Variants in MGST1 observed in about 807,000 individuals in gnomAD.
MGST1 encodes microsomal glutathione S-transferase 1, also known as glutathione S-transferase 12.
MGST1 carries 5 observed loss-of-function variants against 8.9 expected under a neutral mutation model. The observed-to-expected ratio is 0.56, with a 90% CI of 0.29 to 1.19. The LOEUF (loss-of-function observed/expected upper bound fraction) is 1.19, where lower values mean the gene tolerates loss of function less well. MGST1 is among the 50% of genes most tolerant of loss of function. MGST1 has a pLI of 0.08. For synonymous variants in MGST1, 54 were observed against 67.8 expected (o/e 0.80, Z 1.00); for missense variants, 182 against 187.4 (o/e 0.97, Z 0.17).
intron 1 of MGST1, among the ~76,000 whole-genome samples, chr12:16,407,669 C>T (rs560850673): frequency 2.6e-5 from 4 of 151,972 alleles, no homozygotes; most frequent in Non-Finnish European, 1.5e-5. Flanking sequence ...TACCTAAGTG[C>T]CCATCATTTG....
intron 1 of MGST1, among the ~76,000 whole-genome samples, chr12:16,398,702 A>G (rs1374422771): frequency 2.0e-5 from 3 of 152,380 alleles, no homozygotes; most frequent in Admixed American, 2.0e-4. Context: ...GCATGAGGCA[A>G]GGAAGCAGGA....
At chr12:16,545,469 G>A (rs960064286) in intron 4 of MGST1, among the ~76,000 whole-genome samples, 1 of 151,820 alleles carries the variant, frequency 6.6e-6, no homozygotes, top group African/African-American at 2.4e-5. Context: ...TCATCTTCTG[G>A]AAGTTTTAAA....
In MGST1 at chr12:16,402,020, A is replaced by G. The variant is rs1356840585; in HGVS notation, n.778+18416A>G. The G allele has an allele frequency of 1.6e-5, 25 of 1,601,818 alleles. No individual in the cohort carries two copies. The South Asian group carries it at 2.2e-4, about 14-fold the overall frequency. On this transcript the variant is annotated intron_variant and non_coding_transcript_variant, in intron 1 of 1. Transcript: ENST00000359720. ...GGAATTTGTCTTTGCTGAACACTCC[A>G]ATCTTCTTGCCATTCTTGCTTTCTT...
chr12:16,363,522 G>A lies in MGST1; in HGVS notation c.222-273G>A, dbSNP rs1403995028. 4 of 220,584 alleles carry A rather than the reference G, an allele frequency of 1.8e-5. No homozygotes were observed. In the East Asian group the frequency reaches 3.7e-4, roughly 21 times the overall value. 13.7% of individuals were successfully genotyped at this position (220,584 alleles called of 1,614,324 possible). ...TACAAAAATGAAATGAGTTCTATTA[G>A]ATAGATGTCGTTTTGATATTCTAGG... On this transcript the variant is annotated intron_variant, in intron 3 of 3. Coordinates refer to ENST00000396210, the MANE Select transcript of MGST1 (RefSeq NM_020300.5). This position sits in a 1 kb window ranked among gnomAD's most constrained non-coding sequence, Gnocchi z 4.6.
chr12:16,384,739 G>T (rs1281043560), intron 1 of MGST1, among the ~76,000 whole-genome samples: 1 of 152,258 alleles, frequency 6.6e-6, no homozygotes, highest in African/African-American at 2.4e-5. Context: ...AATAGGGGAT[G>T]CCCAAAAGCA....
chr12:16,462,647 A>G (rs996698406), intron 4 of MGST1, among the ~76,000 whole-genome samples: 2 of 152,196 alleles, frequency 1.3e-5, no homozygotes, highest in Admixed American at 6.5e-5. Flanking sequence ...GAATCCTGGC[A>G]GAAGTTGTTC....
At chr12:16,461,748 T>C (rs1276994230) in intron 4 of MGST1, among the ~76,000 whole-genome samples, 2 of 152,130 alleles carry the variant, frequency 1.3e-5, no homozygotes, top group African/African-American at 4.8e-5. Context: ...GACAGAATAA[T>C]TGAAACAACC....
intron 4 of MGST1, among the ~76,000 whole-genome samples, chr12:16,558,712 T>G (rs1287056953): frequency 6.6e-6 from 1 of 152,146 alleles, no homozygotes; most frequent in African/African-American, 2.4e-5. Context: ...TAAGGTACAT[T>G]AGGCAACAAT....
intron 4 of MGST1, among the ~76,000 whole-genome samples, chr12:16,571,923 T>G (rs1448678789): frequency 6.6e-6 from 1 of 151,982 alleles, no homozygotes; most frequent in Non-Finnish European, 1.5e-5. Context: ...TACATACACA[T>G]TTTTTAAATT....
chr12:16,377,832 G>T (rs1374567724), downstream of MGST1, among the ~76,000 whole-genome samples: 3 of 150,284 alleles, frequency 2.0e-5, no homozygotes, highest in Non-Finnish European at 4.4e-5. Flanking sequence ...TCTAATGATC[G>T]CCATTCTAAC....
chr12:16,381,170 T>G (rs1366054344), downstream of MGST1, among the ~76,000 whole-genome samples: 2 of 152,272 alleles, frequency 1.3e-5, no homozygotes, highest in Non-Finnish European at 2.9e-5. Context: ...GTGTGAATTT[T>G]TTCCTGTCAT....
downstream of MGST1, among the ~76,000 whole-genome samples, chr12:16,442,559 G>A (rs189324393): frequency 1.3e-5 from 2 of 151,840 alleles, no homozygotes; most frequent in Admixed American, 1.3e-4. The surrounding 1 kb of genome is among the most constrained non-coding windows in gnomAD (Gnocchi z 4.5). Context: ...AGAACTTTGT[G>A]TCGAAAAGAC....
rs1940732028 is a variant in MGST1, at chr12:16,410,349, A to G, written n.778+26745A>G. Among the ~76,000 whole-genome samples, 1 of 152,070 alleles carries G rather than the reference A, an allele frequency of 6.6e-6. No homozygotes were observed. Among genetic ancestry groups the G allele is most frequent in the African/African-American group, 2.4e-5 (1 of 41,410 alleles). Reference sequence around the variant, plus strand: ...TACCTCCTAAGCATCTCTGAAATACACTTAACTCTTCCTGTTTCTTCTTCC... The same window carrying G: ...TACCTCCTAAGCATCTCTGAAATACGCTTAACTCTTCCTGTTTCTTCTTCC... On this transcript the variant is annotated intron_variant and non_coding_transcript_variant, in intron 1 of 1. Coordinates refer to the MGST1 transcript ENST00000359720. This position sits in a 1 kb window ranked among gnomAD's most constrained non-coding sequence, Gnocchi z 4.4.
intron 4 of MGST1, among the ~76,000 whole-genome samples, chr12:16,471,406 ATAAT>A (rs1274204904): frequency 6.6e-6 from 1 of 152,226 alleles, no homozygotes; most frequent in Non-Finnish European, 1.5e-5. Context: ...TATATTATTA[ATAAT>A]TTTATCAATC....
intron 4 of MGST1, among the ~76,000 whole-genome samples, chr12:16,571,393 A>T (rs1942808396): frequency 6.6e-6 from 1 of 152,104 alleles, no homozygotes; most frequent in South Asian, 2.1e-4. Flanking sequence ...ATCCAACACC[A>T]TTTATCTCAT....
Position 16,555,198 on chromosome 12 carries a change from CCTTTA to C in MGST1, n.483-34326_483-34322del, listed in dbSNP as rs1344752482. ...TTATTTGGTAATGATAATCTTTTCACCTTTACTTAAGTTGTTCCCTAGCAAGAAAT... is the reference window on the plus strand; with the variant it reads ...TTATTTGGTAATGATAATCTTTTCACCTTAAGTTGTTCCCTAGCAAGAAAT... On this transcript the variant is annotated intron_variant and non_coding_transcript_variant, in intron 4 of 4. Transcript: ENST00000538857. This position sits in a 1 kb window ranked among gnomAD's most constrained non-coding sequence, Gnocchi z 5.5. Among the ~76,000 whole-genome samples the C allele has an allele frequency of 3.9e-5, 6 of 152,078 alleles. No homozygotes were observed. Among genetic ancestry groups the C allele is most frequent in the East Asian group, 1.9e-4 (1 of 5,198 alleles).
intron 4 of MGST1, among the ~76,000 whole-genome samples, chr12:16,571,218 AGT>A (rs1348925049): frequency 6.6e-6 from 1 of 152,076 alleles, no homozygotes; most frequent in Non-Finnish European, 1.5e-5. Context: ...GGATGCAAAA[AGT>A]GTTATCACAG....
At chr12:16,568,187 C>G (rs1436177284) in intron 4 of MGST1, among the ~76,000 whole-genome samples, 1 of 152,082 alleles carries the variant, frequency 6.6e-6, no homozygotes, top group Non-Finnish European at 1.5e-5. Context: ...TAGAACTACA[C>G]AAGACTTGTA....
intron 4 of MGST1, among the ~76,000 whole-genome samples, chr12:16,480,477 CAG>C (rs748392453): frequency 1.4e-4 from 22 of 152,150 alleles, no homozygotes; most frequent in Non-Finnish European, 2.6e-4. Context: ...TTGAGAAAAT[CAG>C]AATACAAGCC....
Sources: gnomAD v4.1 joint callset for allele counts (sites outside exome capture counted in the v4.1 genomes callset) on GRCh38, gnomAD v4.1.1 for gene constraint, Gnocchi (gnomAD v3.1) non-coding constraint, MANE v1.5 for transcripts, NCBI Gene and HGNC (gene_info 2026-07-23, HGNC 2026-07-21) for gene names.